Variants in PDZRN4 observed in about 807,000 individuals in gnomAD.
PDZRN4 encodes PDZ domain-containing RING finger protein 4.
PDZRN4 carries 70 observed loss-of-function variants against 99.0 expected under a neutral mutation model. That is an observed-to-expected ratio of 0.71 (90% confidence interval 0.58 to 0.86). PDZRN4 has a LOEUF of 0.86. Among genes scored for constraint, PDZRN4 ranks in the 40% least tolerant of loss-of-function variants. The pLI, the probability that PDZRN4 is intolerant of heterozygous loss-of-function variation, is 0.00. For missense variants in PDZRN4, 1,474 were observed against 1,331.2 expected, an observed-to-expected ratio of 1.11 and a Z score of -1.67; for synonymous variants, 551 against 501.6, an observed-to-expected ratio of 1.10 and a Z score of -1.32.
At chr12:41,563,089 G>A (rs770463045) in intron 7 of PDZRN4, among the ~76,000 whole-genome samples, 1 of 152,164 alleles carries the variant, frequency 6.6e-6, no homozygotes, top group Non-Finnish European at 1.5e-5. Context: ...ATCAGCAGTG[G>A]CCTGGGAGCA....
chr12:41,196,715 T>C (rs1306508962), intron 3 of PDZRN4, among the ~76,000 whole-genome samples: 1 of 152,088 alleles, frequency 6.6e-6, no homozygotes, highest in African/African-American at 2.4e-5. Context: ...TTCTCTGTCA[T>C]TATGATATCA....
chr12:41,231,522 T>C (rs2120755620), intron 3 of PDZRN4, among the ~76,000 whole-genome samples: 1 of 152,164 alleles, frequency 6.6e-6, no homozygotes, highest in East Asian at 1.9e-4. Flanking sequence ...TCCCTGGAGG[T>C]ATGATTATTC....
chr12:41,332,911 T>G (rs1016794323), intron 3 of PDZRN4, among the ~76,000 whole-genome samples: 7 of 152,116 alleles, frequency 4.6e-5, no homozygotes, highest in Non-Finnish European at 1.0e-4. Flanking sequence ...CTATTTCAAA[T>G]GCCTTGCATG....
chr12:41,310,590 A>G (rs1219118757), intron 3 of PDZRN4, among the ~76,000 whole-genome samples: 1 of 152,176 alleles, frequency 6.6e-6, no homozygotes, highest in African/African-American at 2.4e-5. Flanking sequence ...TCACAGCTTG[A>G]CCATGCCAGG....
chr12:41,384,766 T>G (rs567681700), intron 3 of PDZRN4, among the ~76,000 whole-genome samples: 1 of 152,240 alleles, frequency 6.6e-6, no homozygotes, highest in East Asian at 1.9e-4. Flanking sequence ...TTAACTCAAC[T>G]GTGTGCCCTG....
chr12:41,349,886 C>G (rs899387048), intron 3 of PDZRN4, among the ~76,000 whole-genome samples: 2 of 151,572 alleles, frequency 1.3e-5, no homozygotes, highest in East Asian at 3.9e-4. Context: ...TGTCCTTGAG[C>G]TAATTATTGA....
intron 3 of PDZRN4, among the ~76,000 whole-genome samples, chr12:41,312,537 A>G (rs1454514989): frequency 6.6e-6 from 1 of 152,180 alleles, no homozygotes; most frequent in East Asian, 1.9e-4. Flanking sequence ...AAAGAGGTTT[A>G]ATGGACTCAC....
chr12:41,234,753 A>T (rs1190807521), intron 3 of PDZRN4, among the ~76,000 whole-genome samples: 1 of 152,144 alleles, frequency 6.6e-6, no homozygotes, highest in Non-Finnish European at 1.5e-5. Flanking sequence ...AGTTGGTTGG[A>T]TGAGAGCTGT....
chr12:41,498,713 G>T (rs1418454437), intron 3 of PDZRN4, among the ~76,000 whole-genome samples: 1 of 151,998 alleles, frequency 6.6e-6, no homozygotes, highest in East Asian at 1.9e-4. Context: ...CCATAGCAGG[G>T]ATATTCTACA....
chr12:41,276,582 C>T (rs1167701534), intron 3 of PDZRN4, among the ~76,000 whole-genome samples: 1 of 151,778 alleles, frequency 6.6e-6, no homozygotes, highest in Non-Finnish European at 1.5e-5. Context: ...AAGTGTTTCC[C>T]ATTATATAGT....
At chr12:41,520,986 A>G (rs921160200) in intron 5 of PDZRN4, among the ~76,000 whole-genome samples, 1 of 152,132 alleles carries the variant, frequency 6.6e-6, no homozygotes, top group Admixed American at 6.6e-5. Flanking sequence ...AAGACATTTA[A>G]GGCAACATAT....
At chr12:41,262,506 T>C (rs1164632420) in intron 3 of PDZRN4, among the ~76,000 whole-genome samples, 4 of 152,248 alleles carry the variant, frequency 2.6e-5, no homozygotes, top group Admixed American at 1.3e-4. Context: ...TTGTAATGTG[T>C]AATTCTTATA....
At chr12:41,545,833 T>C (rs1254910663) in intron 5 of PDZRN4, among the ~76,000 whole-genome samples, 5 of 151,786 alleles carry the variant, frequency 3.3e-5, no homozygotes, top group African/African-American at 9.7e-5. Flanking sequence ...TAGAACAAGA[T>C]GACCAGCCAA....
At chr12:41,393,498 C>T (rs1022491399) in intron 3 of PDZRN4, among the ~76,000 whole-genome samples, 1 of 111,802 alleles carries the variant, frequency 8.9e-6, no homozygotes. Context: ...TCTAGAAACC[C>T]TTCTAAAATA....
chr12:41,498,044 G>A (rs973440188), intron 3 of PDZRN4, among the ~76,000 whole-genome samples: 1 of 151,738 alleles, frequency 6.6e-6, no homozygotes, highest in East Asian at 1.9e-4. Context: ...TAAGTTCCAA[G>A]AATAGTATAA....
intron 3 of PDZRN4, among the ~76,000 whole-genome samples, chr12:41,349,727 G>A (rs993632527): frequency 2.6e-5 from 4 of 151,844 alleles, no homozygotes; most frequent in Non-Finnish European, 4.4e-5. Flanking sequence ...TCTTGCTTGG[G>A]AGGAGACTTA....
chr12:41,408,950 C>A (rs192195405), intron 3 of PDZRN4, among the ~76,000 whole-genome samples: 20 of 151,810 alleles, frequency 1.3e-4, no homozygotes, highest in Admixed American at 2.6e-4. Flanking sequence ...AACTTCTGTT[C>A]TTTTCCTTTA....
chr12:41,193,123 G>T lies in PDZRN4; in HGVS notation c.736-958G>T, dbSNP rs183088855. 6.8e-4 allele frequency among the ~76,000 whole-genome samples: 103 copies of T among 152,280 alleles called. 1 individual carries two copies. The highest frequency in any genetic ancestry group is 2.4e-3 in the African/African-American group (100 of 41,576). The stretch of plus-strand genomic sequence containing the variant: ...TTTGAAAACTTAGCAACTAATGACT[G>T]CTGTGCTTCTCTTTTTAAAACAGTC... On this transcript the variant is annotated intron_variant, in intron 2 of 9. Coordinates refer to ENST00000402685, the MANE Select transcript of PDZRN4 (RefSeq NM_001164595.2).
At chr12:41,365,385 A>G (rs1238322107) in intron 3 of PDZRN4, among the ~76,000 whole-genome samples, 1 of 151,950 alleles carries the variant, frequency 6.6e-6, no homozygotes, top group Admixed American at 6.6e-5. Context: ...TTTAAATTGT[A>G]TGTTCTATTT....
Sources: allele counts gnomAD v4.1 joint callset (sites outside exome capture counted in the v4.1 genomes callset), GRCh38; gene constraint gnomAD v4.1.1; transcripts MANE v1.5; gene names NCBI Gene and HGNC (gene_info 2026-07-23, HGNC 2026-07-21).